Variants in BRD3 observed in about 807,000 individuals in gnomAD.
The protein encoded by BRD3 is bromodomain containing 3, also known as bromodomain-containing protein 3.
A neutral mutation model predicts 66.8 loss-of-function variants in BRD3; 17 were observed. The observed-to-expected ratio is 0.25, with a 90% CI of 0.17 to 0.38. The LOEUF (loss-of-function observed/expected upper bound fraction) is 0.38, where lower values mean the gene tolerates loss of function less well. Among genes scored for constraint, BRD3 ranks in the 10% least tolerant of loss-of-function variants. The probability of loss-of-function intolerance (pLI) is 1.00; values close to 1 mark genes in which losing one functional copy is unlikely to be tolerated. For missense variants in BRD3, 713 were observed against 956.1 expected, an observed-to-expected ratio of 0.75 and a Z score of 3.35; for synonymous variants, 421 against 393.2, an observed-to-expected ratio of 1.07 and a Z score of -0.84.
chr9:134,063,071 C>G (rs1830577962), intron 1 of BRD3, among the ~76,000 whole-genome samples: 2 of 152,202 alleles, frequency 1.3e-5, no homozygotes, highest in South Asian at 4.1e-4. Context: ...GGCCTGGCCT[C>G]ACTGCTGTCC....
chr9:134,036,006 C>G, intron 10 of BRD3, 26 bp downstream of exon 10: 1 of 1,564,140 alleles, frequency 6.4e-7, no homozygotes, highest in Non-Finnish European at 8.7e-7. Context: ...GAACTTCAAG[C>G]ACCACGCTCC....
chr9:134,059,296 C>T (rs1210058941), intron 1 of BRD3, among the ~76,000 whole-genome samples: 1 of 152,248 alleles, frequency 6.6e-6, no homozygotes, highest in Non-Finnish European at 1.5e-5. Flanking sequence ...CACTCTGCAT[C>T]CTGCGTCCTC....
chr9:134,048,185 C>T lies in BRD3; in HGVS notation c.984G>A (p.Ala328=), dbSNP rs1162648566. The change falls in exon 6 of 12, where the codon GCG becomes GCA. Residue 328 remains alanine, a synonymous_variant. Transcript: ENST00000303407. ...GCTTGTAGAAGGGCCAGGCGTAGGC[C>T]GCGTGCTTCTTGGATAGCATCTCCC... ...ILREMLSKKH[A]AYAWPFYKPV... 9.3e-6 allele frequency: 15 copies of T among 1,612,540 alleles called. No individual in the cohort carries two copies. Among genetic ancestry groups the T allele is most frequent in the East Asian group, 2.2e-5 (1 of 44,866 alleles).
intron 1 of BRD3, among the ~76,000 whole-genome samples, chr9:134,061,779 T>A (rs1025101562): frequency 6.6e-6 from 1 of 152,184 alleles, no homozygotes; most frequent in Admixed American, 6.5e-5. Flanking sequence ...TGAACAAAGC[T>A]GGACATCCAT....
chr9:134,044,712 C>G (rs1348733276), intron 7 of BRD3, among the ~76,000 whole-genome samples: 1 of 152,218 alleles, frequency 6.6e-6, no homozygotes, highest in Non-Finnish European at 1.5e-5. Context: ...CACGTCCACA[C>G]ACACACACAA....
intron 2 of BRD3, 56 bp from the exon 3 acceptor site, chr9:134,052,499 A>C (rs1350930999): frequency 3.0e-5 from 47 of 1,561,918 alleles, no homozygotes; most frequent in Non-Finnish European, 3.9e-5. Flanking sequence ...TTATTTTCAC[A>C]ATTCCCAAGT....
chr9:134,032,814 T>C lies in BRD3; in HGVS notation c.*776A>G, dbSNP rs988876444. On this transcript the variant is annotated 3_prime_UTR_variant, in exon 12 of 12. Coordinates refer to ENST00000303407, the MANE Select transcript of BRD3 (RefSeq NM_007371.4). ...CAGCGGGCTGGACTTCCGTAGAAAA[T>C]TGCCGAACCTTACAAAAAAAGTCTC... The C allele has an allele frequency of 5.0e-5, 13 of 258,390 alleles. No homozygotes were observed. Among genetic ancestry groups the C allele is most frequent in the African/African-American group, 1.1e-4 (5 of 45,686 alleles). 16.0% of individuals were successfully genotyped at this position (258,390 alleles called of 1,614,324 possible).
chr9:134,056,803 C>T (rs1181142729), intron 1 of BRD3: 1 of 152,296 alleles, frequency 6.6e-6, no homozygotes, highest in Non-Finnish European at 1.5e-5. Context: ...GGCTCAGTGC[C>T]TCAGGTCCCC....
Position 134,034,925 on chromosome 9 carries a change from C to G in BRD3, c.1937-96G>C, listed in dbSNP as rs1477878422. ...GTGGCCAAGGCCCCAGCCCTGCACACTGGCATCCATGCCAGCTGCCCAGCT... is the reference window on the plus strand; with the variant it reads ...GTGGCCAAGGCCCCAGCCCTGCACAGTGGCATCCATGCCAGCTGCCCAGCT... On this transcript the variant is annotated intron_variant, in intron 10 of 11. Coordinates refer to ENST00000303407, the MANE Select transcript of BRD3 (RefSeq NM_007371.4). 8 of 1,550,674 alleles carry G rather than the reference C, an allele frequency of 5.2e-6. No homozygotes were observed. The Admixed American group carries it at 5.5e-5, about 11-fold the overall frequency.
At chr9:134,061,915 C>T (rs1830551409) in intron 1 of BRD3, among the ~76,000 whole-genome samples, 1 of 152,216 alleles carries the variant, frequency 6.6e-6, no homozygotes, top group South Asian at 2.1e-4. Context: ...GCTGCCCCCA[C>T]AGCCCCATCT....
chr9:134,064,649 C>T (rs1830609885), intron 1 of BRD3, among the ~76,000 whole-genome samples: 1 of 151,906 alleles, frequency 6.6e-6, no homozygotes, highest in African/African-American at 2.4e-5. Context: ...TCACTCACGG[C>T]CAAGAGTTTG....
chr9:134,032,984 C>G lies in BRD3; in HGVS notation c.*606G>C, dbSNP rs561867216. The G allele has an allele frequency of 2.5e-6, 1 of 396,774 alleles. No individual in the cohort carries two copies. The highest frequency in any genetic ancestry group is 2.1e-5 in the African/African-American group (1 of 48,612). The allele number at this position is 396,774 out of a possible 1,614,324, so 24.6% of individuals were successfully genotyped here. A position where few individuals can be genotyped will look rare whatever the true frequency, so the allele number is the denominator to read the frequency against. ...CTGACATCACCACGAGCGGAGAACG[C>G]ACATCCCACCCGACCACCCCCCAAG... On this transcript the variant is annotated 3_prime_UTR_variant, in exon 12 of 12. Transcript: ENST00000303407.
rs372701647 is a variant in BRD3, at chr9:134,051,878, T to TGTGTG, written c.352-170_352-169insCACAC. Among the ~76,000 whole-genome samples the TGTGTG allele has an allele frequency of 1.2e-3, 144 of 116,286 alleles. 5 individuals are homozygous for TGTGTG. The highest frequency in any genetic ancestry group is 5.0e-3 in the African/African-American group (135 of 26,846). 76.3% of individuals were successfully genotyped at this position (116,286 alleles called of 152,430 possible). On this transcript the variant is annotated intron_variant, in intron 3 of 11. Transcript: ENST00000303407. ...GTGTGTGTGTGTGTGTGTGTGTGTGTTGTTTTTTTTGTTTTTTTTTTTTTT... is the reference window on the plus strand; with the variant it reads ...GTGTGTGTGTGTGTGTGTGTGTGTGTGTGTGTGTTTTTTTTGTTTTTTTTTTTTTT...
chr9:134,064,388 A>AG (rs1564562507), intron 1 of BRD3, among the ~76,000 whole-genome samples: 1 of 151,642 alleles, frequency 6.6e-6, no homozygotes, highest in Non-Finnish European at 1.5e-5. Flanking sequence ...AAAATTAAAA[A>AG]AAATAGCCAG....
At chr9:134,065,492 C>G (rs1437513677) in intron 1 of BRD3, among the ~76,000 whole-genome samples, 1 of 151,560 alleles carries the variant, frequency 6.6e-6, no homozygotes, top group African/African-American at 2.4e-5. Context: ...GTCAGTTATA[C>G]TTTGATGACC....
At chr9:134,035,822 G>C (rs1340783776) in intron 10 of BRD3, among the ~76,000 whole-genome samples, 1 of 152,222 alleles carries the variant, frequency 6.6e-6, no homozygotes, top group Non-Finnish European at 1.5e-5. Context: ...CTCTGGCTGG[G>C]TGGGGCTCAG....
At chr9:134,066,553 T>A (rs1352800013) in intron 1 of BRD3, among the ~76,000 whole-genome samples, 3 of 100,300 alleles carry the variant, frequency 3.0e-5, no homozygotes, top group Admixed American at 8.8e-5. Context: ...GCATACTACA[T>A]GGACCCAGGA....
At chr9:134,064,532 C>G (rs1830607708) in intron 1 of BRD3, among the ~76,000 whole-genome samples, 1 of 151,932 alleles carries the variant, frequency 6.6e-6, no homozygotes, top group African/African-American at 2.4e-5. Context: ...CAGAGTGATA[C>G]TCTGTCTCAA....
chr9:134,055,606 C>T (rs373185440), intron 1 of BRD3, among the ~76,000 whole-genome samples: 2 of 152,214 alleles, frequency 1.3e-5, no homozygotes, highest in South Asian at 2.1e-4. Flanking sequence ...AAGCACCACA[C>T]GCAGCTCCGC....
Sources: allele counts gnomAD v4.1 joint callset (sites outside exome capture counted in the v4.1 genomes callset), GRCh38; gene constraint gnomAD v4.1.1; transcripts MANE v1.5; gene names NCBI Gene and HGNC (gene_info 2026-07-23, HGNC 2026-07-21).